NLK: variants seen among roughly 807,000 people sequenced by gnomAD.
NLK encodes the protein nemo like kinase.
NLK carries 11 observed loss-of-function variants against 59.0 expected under a neutral mutation model. The ratio of observed to expected loss-of-function variants is 0.19; its 90% CI spans 0.12 to 0.31. The LOEUF (loss-of-function observed/expected upper bound fraction) is 0.31, where lower values mean the gene tolerates loss of function less well. Among genes scored for constraint, NLK ranks in the 10% least tolerant of loss-of-function variants. The pLI is 1.00. For missense variants in NLK, 410 were observed against 661.1 expected, an observed-to-expected ratio of 0.62 and a Z score of 4.16; for synonymous variants, 235 against 235.9, an observed-to-expected ratio of 1.00 and a Z score of 0.03.
At chr17:28,193,444 C>T (rs1471252125) in intron 10 of NLK, among the ~76,000 whole-genome samples, 2 of 152,104 alleles carry the variant, frequency 1.3e-5, no homozygotes, top group Non-Finnish European at 2.9e-5. Flanking sequence ...TTCCACATGA[C>T]CAAAAACAGG....
rs769149468 is a variant in NLK at position 28,172,530 on chromosome 17, C to T, written c.1061C>T (p.Thr354Met). The T allele has an allele frequency of 7.6e-6, 12 of 1,576,932 alleles. 1 individual carries two copies. In the Admixed American group the frequency reaches 9.1e-5, roughly 12 times the overall value. ...ATTTCCTTGTAGTTGGATTTGATCA[C>T]GGATCTGTTGGGCACACCATCACTG... ...QSPIQQLDLI[T>M]DLLGTPSLEA... Residue 354 changes from threonine (T) to methionine (M), a missense_variant, in exon 7 of 11, where the codon ACG becomes ATG. Around this residue, in one of 5 missense-constraint regions of NLK, gnomAD observed 150 missense variants for 244.3 expected, o/e 0.61. Transcript: ENST00000407008.
At chr17:28,059,356 T>A (rs1597657230) in intron 1 of NLK, among the ~76,000 whole-genome samples, 2 of 152,278 alleles carry the variant, frequency 1.3e-5, no homozygotes, top group South Asian at 2.1e-4. Flanking sequence ...TAACCAACTA[T>A]GTCCAGAAAT....
chr17:28,085,530 A>G (rs1910484452), intron 1 of NLK, among the ~76,000 whole-genome samples: 2 of 152,148 alleles, frequency 1.3e-5, no homozygotes, highest in South Asian at 2.1e-4. Context: ...ACTTGAGGCC[A>G]AGAGTTCAAG....
Position 28,194,863 on chromosome 17 carries a change from A to G in NLK, c.*227A>G. 1 of 380,792 alleles carries G rather than the reference A, an allele frequency of 2.6e-6. No individual in the cohort carries two copies. The highest frequency in any genetic ancestry group is 4.7e-6 in the Non-Finnish European group (1 of 212,900). The allele number at this position is 380,792 out of a possible 1,614,324, so 23.6% of individuals were successfully genotyped here. On this transcript the variant is annotated 3_prime_UTR_variant, in exon 11 of 11. Coordinates refer to ENST00000407008, the MANE Select transcript of NLK (RefSeq NM_016231.5). Reference sequence around the variant, plus strand: ...AAAAATATTTTACCCAGAGTTGCACATGTTTTATGAATTTAGTGCAGCTGT... The same window carrying G: ...AAAAATATTTTACCCAGAGTTGCACGTGTTTTATGAATTTAGTGCAGCTGT...
intron 1 of NLK, among the ~76,000 whole-genome samples, chr17:28,054,686 GA>G (rs763592466): frequency 6.6e-6 from 1 of 152,136 alleles, no homozygotes; most frequent in Non-Finnish European, 1.5e-5. Flanking sequence ...TCAGTTTAAA[GA>G]AAAATAATTT....
chr17:28,168,372 A>T, intron 5 of NLK, 76 bp from the exon 6 acceptor site: 1 of 1,081,094 alleles, frequency 9.2e-7, no homozygotes, highest in Non-Finnish European at 1.4e-6. Context: ...TCAGTGCCCT[A>T]TCAAAATTTT....
intron 3 of NLK, among the ~76,000 whole-genome samples, chr17:28,154,121 A>G (rs1422770308): frequency 1.3e-5 from 2 of 152,202 alleles, no homozygotes; most frequent in African/African-American, 4.8e-5. Flanking sequence ...AATTCAGTCT[A>G]GAAAAGGCAG....
Position 28,122,623 on chromosome 17 carries a change from A to T in NLK, c.479A>T (p.Asp160Val). ...GVVWSVTDPRDGKRVALKKMP... is the reference protein window; with the variant it reads ...GVVWSVTDPRVGKRVALKKMP... ...TTTAGGTCAGTAACAGATCCAAGAG[A>T]TGGAAAGAGAGTAGCGCTCAAAAAG... The change falls in exon 2 of 11, where the codon GAT becomes GTT. Residue 160 changes from aspartate (D) to valine (V), a missense_variant. Transcript: ENST00000407008. The T allele has an allele frequency of 6.2e-7, 1 of 1,613,658 alleles. No individual in the cohort carries two copies. The highest frequency in any genetic ancestry group is 8.5e-7 in the Non-Finnish European group (1 of 1,179,688).
chr17:28,050,920 CAT>C (rs1434742827), intron 1 of NLK, among the ~76,000 whole-genome samples: 4 of 151,680 alleles, frequency 2.6e-5, no homozygotes, highest in African/African-American at 9.7e-5. Flanking sequence ...GCCTGGACAA[CAT>C]AGTGAAATCT....
chr17:28,177,149 G>A (rs77699032), intron 7 of NLK, among the ~76,000 whole-genome samples: 3,090 of 152,192 alleles, frequency 0.02, 111 homozygotes, highest in African/African-American at 0.07. Context: ...GAGAAAGGAG[G>A]GGTGGCAGAG....
chr17:28,044,954 C>T (rs1262899178), intron 1 of NLK, among the ~76,000 whole-genome samples: 1 of 152,170 alleles, frequency 6.6e-6, no homozygotes, highest in Non-Finnish European at 1.5e-5. Context: ...TTTTCACTTA[C>T]ATTTCTATCA....
At chr17:28,050,723 C>T (rs541489205) in intron 1 of NLK, among the ~76,000 whole-genome samples, 5 of 151,972 alleles carry the variant, frequency 3.3e-5, no homozygotes, top group Admixed American at 2.6e-4. Flanking sequence ...AACTAAAGGG[C>T]AGTTAGGAAA....
At chr17:28,100,245 G>A (rs1034790761) in intron 1 of NLK, among the ~76,000 whole-genome samples, 5 of 152,112 alleles carry the variant, frequency 3.3e-5, no homozygotes, top group African/African-American at 1.2e-4. Flanking sequence ...AACTTTATAA[G>A]ATACCACCAT....
intron 1 of NLK, among the ~76,000 whole-genome samples, chr17:28,071,262 T>G (rs201234287): frequency 1.3e-5 from 2 of 152,188 alleles, no homozygotes; most frequent in African/African-American, 4.8e-5. Flanking sequence ...TTCAAGATTA[T>G]TTTGGCTACT....
intron 1 of NLK, among the ~76,000 whole-genome samples, chr17:28,117,451 T>A (rs1310937357): frequency 6.6e-6 from 1 of 152,182 alleles, no homozygotes; most frequent in Non-Finnish European, 1.5e-5. Context: ...TACTTTCAGG[T>A]GTCTCACTAC....
intron 3 of NLK, among the ~76,000 whole-genome samples, chr17:28,152,063 CA>C (rs1169410802): frequency 6.6e-6 from 1 of 152,128 alleles, no homozygotes; most frequent in Non-Finnish European, 1.5e-5. Flanking sequence ...TACTGTTGAT[CA>C]AAAATAGTTC....
intron 3 of NLK, among the ~76,000 whole-genome samples, chr17:28,152,863 A>G (rs966966615): frequency 6.6e-6 from 1 of 152,022 alleles, no homozygotes; most frequent in Non-Finnish European, 1.5e-5. Context: ...AGCTCAAGTG[A>G]TCCTCCTGCC....
the NLK span, among the ~76,000 whole-genome samples, chr17:28,205,914 G>A: frequency 3.3e-5 from 5 of 152,240 alleles, no homozygotes; most frequent in Middle Eastern, 3.4e-3. Context: ...TGATAAGAGA[G>A]CATTTTAGGT....
At chr17:28,194,490 T>C in intron 10 of NLK, 92 bp from the exon 11 acceptor site, 2 of 863,030 alleles carry the variant, frequency 2.3e-6, no homozygotes, top group Non-Finnish European at 1.8e-6. Flanking sequence ...AATTAATTTT[T>C]TCAGAGGAAG....
Sources: allele counts gnomAD v4.1 joint callset (sites outside exome capture counted in the v4.1 genomes callset), GRCh38; gene constraint gnomAD v4.1.1; regional missense constraint gnomAD v4.1.1; transcripts MANE v1.5; gene names NCBI Gene and HGNC (gene_info 2026-07-23, HGNC 2026-07-21).